GLA: variants seen among roughly 807,000 people sequenced by gnomAD.
The protein encoded by GLA is galactosidase alpha, also known as alpha-galactosidase A.
In GLA, 4 loss-of-function variants were observed where a neutral mutation model predicts 28.2. The ratio of observed to expected loss-of-function variants is 0.14; its 90% confidence interval spans 0.07 to 0.32. GLA has a LOEUF of 0.32. Among genes scored for constraint, GLA ranks in the 10% least tolerant of loss-of-function variants. GLA has a pLI of 1.00. For synonymous variants in GLA, 94 were observed against 113.0 expected (o/e 0.83, Z 1.07); for missense variants, 203 against 323.7 (o/e 0.63, Z 2.86).
chrX:101,407,918 G>A lies in GLA; in HGVS notation c.-15C>T, dbSNP rs782422036. 5.0e-6 allele frequency: 6 copies of A among 1,200,772 alleles called. No homozygotes were observed. In the Admixed American group the frequency reaches 1.3e-4, roughly 26 times the overall value. ...CTCAGCTGCATTGTCACGGTGACCG[G>A]ACAGCATAAATTTCCGCGGGTAACC... On this transcript the variant is annotated 5_prime_UTR_variant, in exon 1 of 7. Coordinates refer to ENST00000218516, the MANE Select transcript of GLA (RefSeq NM_000169.3).
intron 3 of GLA, chrX:101,401,150 TAAG>T (rs1928300542): frequency 3.1e-5 from 6 of 194,795 alleles, no homozygotes; most frequent in Admixed American, 7.1e-5. Flanking sequence ...CTGTATATTT[TAAG>T]AAGAGGCTAC....
At chrX:101,406,879 T>C (rs1472432968) in intron 1 of GLA, among the ~76,000 whole-genome samples, 2 of 112,863 alleles carry the variant, frequency 1.8e-5, no homozygotes, top group Non-Finnish European at 3.7e-5. Flanking sequence ...TAAGCGCAGT[T>C]GAATGGTCAA....
chrX:101,403,738 G>C, intron 2 of GLA, 73 bp downstream of exon 2: 6 of 1,064,671 alleles, frequency 5.6e-6, no homozygotes, highest in Non-Finnish European at 7.8e-6. Flanking sequence ...CATGAGGGCT[G>C]TTTCTAAACA....
In GLA at chrX:101,398,091, G is replaced by A. The variant is rs901454780; in HGVS notation, c.1008C>T (p.Asn336=). 9 of 1,210,945 alleles carry A rather than the reference G, an allele frequency of 7.4e-6. No individual in the cohort carries two copies. The highest frequency in any genetic ancestry group is 8.9e-6 in the Non-Finnish European group (8 of 894,561). The part of the protein sequence containing the change: ...KQGYQLRQGD[N]FEVWERPLSG... The stretch of plus-strand genomic sequence containing the variant: ...AGAGAGGTCGTTCCCACACTTCAAA[G>A]TTGTCTCCCTGAAAAACCAAGAAAG... Residue 336 remains asparagine, a synonymous_variant, in exon 7 of 7, where the codon AAC becomes AAT. Coordinates refer to ENST00000218516, the MANE Select transcript of GLA (RefSeq NM_000169.3).
intron 1 of GLA, among the ~76,000 whole-genome samples, chrX:101,404,245 TAAG>T (rs1928419977): frequency 8.9e-6 from 1 of 112,204 alleles, no homozygotes; most frequent in African/African-American, 3.2e-5. Flanking sequence ...GTATTAGATC[TAAG>T]AAGACAGTTC....
intron 1 of GLA, among the ~76,000 whole-genome samples, chrX:101,405,259 A>AAAAGAT (rs1928463868): frequency 9.1e-6 from 1 of 109,842 alleles, no homozygotes; most frequent in Non-Finnish European, 1.9e-5. Flanking sequence ...AAAAAGAAAA[A>AAAAGAT]AAAGATAAAG....
Position 101,398,634 on chromosome X carries a change from C to T in GLA, c.802-67G>A, listed in dbSNP as rs782238586. 6.7e-6 allele frequency: 7 copies of T among 1,038,233 alleles called. No individual in the cohort carries two copies. The African/African-American group carries it at 1.1e-4, about 16-fold the overall frequency. 85.6% of individuals were successfully genotyped at this position (1,038,233 alleles called of 1,213,427 possible). On this transcript the variant is annotated intron_variant, in intron 5 of 6. Coordinates refer to ENST00000218516, the MANE Select transcript of GLA (RefSeq NM_000169.3). ...ACATTCTTAAAGTTACCTAGATGAC[C>T]CATATGGAGAAACCACTTTCCACAG...
intron 1 of GLA, among the ~76,000 whole-genome samples, chrX:101,405,990 G>T (rs1414643339): frequency 3.1e-5 from 3 of 97,447 alleles, no homozygotes; most frequent in Non-Finnish European, 4.1e-5. Flanking sequence ...GAATCACGAG[G>T]TCAGGAGATT....
intron 2 of GLA, among the ~76,000 whole-genome samples, chrX:101,403,298 C>CAAAA (rs1345659937): frequency 3.0e-5 from 1 of 32,791 alleles, no homozygotes; most frequent in Admixed American, 3.9e-4. Context: ...GACTCCATCT[C>CAAAA]AAAAAAAAAA....
intron 2 of GLA, among the ~76,000 whole-genome samples, chrX:101,402,824 C>T (rs1367651442): frequency 9.8e-5 from 11 of 111,720 alleles, no homozygotes; most frequent in African/African-American, 3.6e-4. Context: ...CTTCAATGAT[C>T]TCCAGAATAT....
intron 2 of GLA, among the ~76,000 whole-genome samples, chrX:101,402,572 G>A (rs935541163): frequency 9.0e-6 from 1 of 110,947 alleles, no homozygotes; most frequent in Non-Finnish European, 1.9e-5. Context: ...AGACCAGCCT[G>A]GCGAATATGG....
chrX:101,403,720 C>T (rs782130555), intron 2 of GLA, 91 bp downstream of exon 2: 3 of 923,646 alleles, frequency 3.2e-6, no homozygotes, highest in Non-Finnish European at 4.7e-6. Context: ...TGAGCCACCA[C>T]GCCCGGCCAT....
At chrX:101,398,281 C>G (rs1928151539) in intron 6 of GLA, 89 bp downstream of exon 6, 3 of 806,114 alleles carry the variant, frequency 3.7e-6, no homozygotes, top group East Asian at 6.3e-5. Flanking sequence ...ATAGTAACAT[C>G]AAGAGCAAGG....
In GLA at chrX:101,398,920, G is replaced by T. The variant is rs104894851; in HGVS notation, c.666C>A (p.Tyr222Ter). ...QKPNYTEIRQ[Y>*]CNHWRNFADI... is the part of the protein sequence containing the mutation. ...CAGCAAAATTTCGCCAGTGATTGCA[G>T]TACTGTCGGATTTCTGTATAATTGG... The change falls in exon 5 of 7, where the codon TAC (tyrosine) becomes TAA (stop). Residue 222 changes from tyrosine to a stop codon, truncating the protein, a stop_gained. Transcript: ENST00000218516. LOFTEE classifies it high-confidence loss of function. 1 of 1,207,006 alleles carries T rather than the reference G, an allele frequency of 8.3e-7. No individual in the cohort carries two copies. The highest frequency in any genetic ancestry group is 1.1e-6 in the Non-Finnish European group (1 of 891,476).
rs1367502468 is a variant in GLA, at chrX:101,407,873, C to T, written c.31G>A (p.Gly11Ser). 8.3e-7 allele frequency: 1 copy of T among 1,210,012 alleles called. No individual in the cohort carries two copies. The highest frequency in any genetic ancestry group is 2.2e-5 in the Admixed American group (1 of 45,875). The change falls in exon 1 of 7, where the codon GGC (glycine) becomes AGC (serine). Residue 11 changes from glycine (G) to serine (S), a missense_variant. Gly to Ser is a moderately conservative substitution (Grantham distance 56). This residue lies in a region of GLA where 30 missense variants were observed against 32.2 expected (regional missense o/e 0.93). Coordinates refer to ENST00000218516, the MANE Select transcript of GLA (RefSeq NM_000169.3). The part of the protein sequence containing the change: MQLRNPELHL[G>S]CALALRFLAL... ...AGGAAGCGAAGCGCAAGCGCGCAGCCCAGATGTAGTTCTGGGTTCCTCAGC... is the reference window on the plus strand; with the variant it reads ...AGGAAGCGAAGCGCAAGCGCGCAGCTCAGATGTAGTTCTGGGTTCCTCAGC...
At chrX:101,403,487 G>A (rs1445906404) in intron 2 of GLA, among the ~76,000 whole-genome samples, 2 of 106,105 alleles carry the variant, frequency 1.9e-5, no homozygotes, top group Non-Finnish European at 3.9e-5. Context: ...GAGTGCAATG[G>A]CGTGATCTCA....
In GLA at chrX:101,398,008, G is replaced by A. The variant is rs1555984811; in HGVS notation, c.1091C>T (p.Ser364Phe). The A allele has an allele frequency of 4.1e-6, 5 of 1,210,410 alleles. No homozygotes were observed. Among genetic ancestry groups the A allele is most frequent in the Non-Finnish European group, 5.6e-6 (5 of 894,202 alleles). ...CAGGGAAGCAACTGCGATGGTATAAGAGCGAGGTCCACCAATCTCCTGCCG... is the reference window on the plus strand; with the variant it reads ...CAGGGAAGCAACTGCGATGGTATAAAAGCGAGGTCCACCAATCTCCTGCCG... ...INRQEIGGPR[S>F]YTIAVASLGK... is the part of the protein sequence containing the mutation. Residue 364 changes from serine (S) to phenylalanine (F), a missense_variant, in exon 7 of 7, where the codon TCT becomes TTT. Around this residue, in one of 3 missense-constraint regions of GLA, gnomAD observed 162 missense variants for 246.8 expected, o/e 0.66. Transcript: ENST00000218516.
At chrX:101,407,650 C>CCCCAAACACA in intron 1 of GLA, 60 bp downstream of exon 1, 1 of 1,068,806 alleles carries the variant, frequency 9.4e-7, no homozygotes, top group South Asian at 1.9e-5. Context: ...CTCTCCAGTT[C>CCCCAAACACA]CCCAAACACA....
In GLA at chrX:101,404,085, C is replaced by T. The variant is rs1555986360; in HGVS notation, c.195-100G>A. ...TGGGATTTCACAATTTTTTCCAACC[C>T]AGTAATAGTGTGGTAGTAATCACAA... On this transcript the variant is annotated intron_variant, in intron 1 of 6. Transcript: ENST00000218516. The T allele has an allele frequency of 4.2e-6, 3 of 712,003 alleles. No individual in the cohort carries two copies. In the African/African-American group the frequency reaches 6.3e-5, roughly 15 times the overall value. The allele number at this position is 712,003 out of a possible 1,213,427, so 58.7% of individuals were successfully genotyped here. A position where few individuals can be genotyped will look rare whatever the true frequency, so the allele number is the denominator to read the frequency against.
Sources: gnomAD v4.1 joint callset for allele counts (sites outside exome capture counted in the v4.1 genomes callset) on GRCh38, gnomAD v4.1.1 for gene constraint, gnomAD v4.1.1 regional missense constraint, MANE v1.5 for transcripts, NCBI Gene and HGNC (gene_info 2026-07-23, HGNC 2026-07-21) for gene names.